The following SLC28A1 variants were observed in gnomAD, a reference collection of about 807,000 sequenced individuals.
SLC28A1 encodes the protein solute carrier family 28 member 1.
SLC28A1 carries 64 observed loss-of-function variants against 74.8 expected under a neutral mutation model. The observed-to-expected ratio is 0.86, with a 90% CI of 0.70 to 1.05. SLC28A1 has a LOEUF of 1.05. Among genes scored for constraint, SLC28A1 ranks in the 50% least tolerant of loss-of-function variants. The probability of loss-of-function intolerance (pLI) is 0.00; values close to 1 mark genes in which losing one functional copy is unlikely to be tolerated. For missense variants in SLC28A1, 828 were observed against 822.8 expected, an observed-to-expected ratio of 1.01 and a Z score of -0.08; for synonymous variants, 359 against 335.0, an observed-to-expected ratio of 1.07 and a Z score of -0.78.
At chr15:84,903,972 C>T in intron 6 of SLC28A1, 125 bp from the exon 7 acceptor site, 1 of 1,271,712 alleles carries the variant, frequency 7.9e-7, no homozygotes. Flanking sequence ...TCTTTCCACT[C>T]TGCTGTGCTG....
At chr15:84,908,347 G>A (rs1291630361) in intron 8 of SLC28A1, among the ~76,000 whole-genome samples, 1 of 151,544 alleles carries the variant, frequency 6.6e-6, no homozygotes, top group Non-Finnish European at 1.5e-5. Flanking sequence ...CCATGCTCAG[G>A]TAATTTTTGT....
At chr15:84,949,559 C>T (rs13380254), downstream of SLC28A1, among the ~76,000 whole-genome samples, 1,881 of 133,574 alleles carry the variant, frequency 0.014, 47 homozygotes, top group African/African-American at 0.049. Flanking sequence ...CCACCATGCC[C>T]GGCTAATTTT....
chr15:84,945,050 C>T (rs556069330), intron 18 of SLC28A1, 75 bp from the exon 19 acceptor site: 224 of 1,343,120 alleles, frequency 1.7e-4, no homozygotes, highest in Middle Eastern at 1.8e-4. Context: ...ACAGTGTTCC[C>T]GGTGTTGCAC....
the SLC28A1 span, among the ~76,000 whole-genome samples, chr15:84,961,292 G>A: frequency 2.0e-5 from 3 of 151,794 alleles, no homozygotes; most frequent in African/African-American, 7.3e-5. Context: ...GAATAGAGCC[G>A]CAGCAACCTC....
chr15:84,904,360 G>A (rs1966858332), intron 7 of SLC28A1, 122 bp downstream of exon 7: 1 of 1,398,370 alleles, frequency 7.2e-7, no homozygotes. Flanking sequence ...GAGGCTCAGG[G>A]CCTGGAGAAG....
At chr15:84,930,029 G>A (rs767276300) in intron 12 of SLC28A1, among the ~76,000 whole-genome samples, 6 of 152,230 alleles carry the variant, frequency 3.9e-5, no homozygotes, top group Non-Finnish European at 8.8e-5. Context: ...AGCCCTGCCT[G>A]TGCAGGACTC....
At chr15:84,948,006 A>C (rs993112551), downstream of SLC28A1, among the ~76,000 whole-genome samples, 1 of 151,526 alleles carries the variant, frequency 6.6e-6, no homozygotes, top group Non-Finnish European at 1.5e-5. Context: ...GGAAAAAAAA[A>C]CTGCGTGGAC....
rs1448383740 is a variant in SLC28A1, at chr15:84,908,814, C to A, written c.795+19C>A. On this transcript the variant is annotated intron_variant, in intron 9 of 18. Transcript: ENST00000394573. ...CTTTCAGGTCAGCTTGACTCAGGGT[C>A]CCAGAGGCCTTTAGCAGCCACCGCC... 4.4e-6 allele frequency: 7 copies of A among 1,606,624 alleles called. No homozygotes were observed. Among genetic ancestry groups the A allele is most frequent in the Non-Finnish European group, 6.0e-6 (7 of 1,174,206 alleles).
At chr15:84,893,376 G>T (rs915411361) in intron 5 of SLC28A1, among the ~76,000 whole-genome samples, 1 of 152,160 alleles carries the variant, frequency 6.6e-6, no homozygotes, top group African/African-American at 2.4e-5. Context: ...CGCTCTGTGG[G>T]GCTCCACCCG....
the SLC28A1 span, among the ~76,000 whole-genome samples, chr15:84,971,546 G>C: frequency 6.6e-6 from 1 of 152,148 alleles, no homozygotes; most frequent in South Asian, 2.1e-4. Context: ...ACCATGAGAG[G>C]AAGCAGCCTG....
chr15:84,909,239 C>T (rs1967778492), intron 9 of SLC28A1, among the ~76,000 whole-genome samples: 1 of 152,136 alleles, frequency 6.6e-6, no homozygotes, highest in Non-Finnish European at 1.5e-5. Context: ...CAGGGCCCCT[C>T]ACAGGCCACC....
rs959619763 is a variant in SLC28A1, at chr15:84,933,158, C to T, written c.1097C>T (p.Ser366Leu). ...AYISFGIDAT[S>L]LIAASVMAAP... Reference sequence around the variant, plus strand: ...TCACTCTTGCAGATCGATGCCACCTCGTTGATTGCAGCCTCTGTGATGGCT... The same window carrying T: ...TCACTCTTGCAGATCGATGCCACCTTGTTGATTGCAGCCTCTGTGATGGCT... Residue 366 changes from serine to leucine, a missense_variant, in exon 13 of 19, where the codon TCG (serine) becomes TTG (leucine). Coordinates refer to ENST00000394573, the MANE Select transcript of SLC28A1 (RefSeq NM_004213.5). 7 of 1,613,546 alleles carry T rather than the reference C, an allele frequency of 4.3e-6. No individual in the cohort carries two copies. Among genetic ancestry groups the T allele is most frequent in the Admixed American group, 1.7e-5 (1 of 59,994 alleles).
intron 18 of SLC28A1, 27 bp downstream of exon 18, chr15:84,944,894 A>G (rs1567194374): frequency 6.7e-7 from 1 of 1,496,270 alleles, no homozygotes; most frequent in Admixed American, 1.7e-5. Context: ...TGGGACCTGC[A>G]GGGCACCCAC....
chr15:84,935,204 T>A lies in SLC28A1; in HGVS notation c.1383+10T>A, dbSNP rs762564654. On this transcript the variant is annotated intron_variant, in intron 14 of 18. Coordinates refer to ENST00000394573, the MANE Select transcript of SLC28A1 (RefSeq NM_004213.5). ...AGGGCTCAGCTTCCAGGTGCGTTTC[T>A]GGCCACCACACTCAGTCTGTAGAGA... 1 of 1,614,052 alleles carries A rather than the reference T, an allele frequency of 6.2e-7. No individual in the cohort carries two copies. The highest frequency in any genetic ancestry group is 1.3e-5 in the African/African-American group (1 of 75,050).
Position 84,944,610 on chromosome 15 carries a change from C to A in SLC28A1, c.1708C>A (p.Leu570Ile). ...GAAGAGCGACTTCTCCCAGATAGTGCTCCGGGCGCTCTTCACGGGAGCCTG... is the reference window on the plus strand; with the variant it reads ...GAAGAGCGACTTCTCCCAGATAGTGATCCGGGCGCTCTTCACGGGAGCCTG... Reference protein sequence around the residue: ...QRKSDFSQIVLRALFTGACVS... With the variant: ...QRKSDFSQIVIRALFTGACVS... The change falls in exon 17 of 19, where the codon CTC becomes ATC. Residue 570 changes from leucine (L) to isoleucine (I), a missense_variant. This residue lies in a region of SLC28A1 where 767 missense variants were observed against 753.5 expected (regional missense o/e 1.02). Transcript: ENST00000394573. 1 of 1,614,096 alleles carries A rather than the reference C, an allele frequency of 6.2e-7. No individual in the cohort carries two copies.
Position 84,911,094 on chromosome 15 carries a change from C to T in SLC28A1, c.795+2299C>T, listed in dbSNP as rs968124517. On this transcript the variant is annotated intron_variant, in intron 9 of 18. Transcript: ENST00000394573. ...GCCAAAAAGCAGGGGAAGAGGTGCC[C>T]GGCGGGCCACGCAGCTGCTGTCCGC... is the stretch of plus-strand genomic sequence containing the variant. Among the ~76,000 whole-genome samples, 13 of 152,196 alleles carry T rather than the reference C, an allele frequency of 8.5e-5. 1 individual carries two copies. The highest frequency in any genetic ancestry group is 2.6e-4 in the Admixed American group (4 of 15,280).
At chr15:84,895,463 C>T (rs750081189) in intron 6 of SLC28A1, 8 of 1,612,232 alleles carry the variant, frequency 5.0e-6, no homozygotes, top group South Asian at 1.1e-5. Flanking sequence ...GCCGCAGGGA[C>T]CATCCCTGGA....
intron 6 of SLC28A1, chr15:84,895,492 G>A (rs372437722): frequency 1.8e-4 from 281 of 1,600,848 alleles, no homozygotes; most frequent in Admixed American, 9.3e-4. Context: ...CAGCAGGCTC[G>A]ATCGGGGTCC....
At chr15:84,932,266 G>A (rs1411140810) in intron 12 of SLC28A1, among the ~76,000 whole-genome samples, 1 of 152,112 alleles carries the variant, frequency 6.6e-6, no homozygotes, top group Admixed American at 6.5e-5. Context: ...TGTCTGAGTT[G>A]GTTCTGATTT....
Sources: gnomAD v4.1 joint callset for allele counts (sites outside exome capture counted in the v4.1 genomes callset) on GRCh38, gnomAD v4.1.1 for gene constraint, gnomAD v4.1.1 regional missense constraint, MANE v1.5 for transcripts, NCBI Gene and HGNC (gene_info 2026-07-23, HGNC 2026-07-21) for gene names.